ANKHD1: variants seen among roughly 807,000 people sequenced by gnomAD.
ANKHD1 encodes the protein ankyrin repeat and KH domain-containing protein 1.
In ANKHD1, 31 loss-of-function variants were observed where a neutral mutation model predicts 230.5. The observed-to-expected ratio is 0.13, with a 90% CI of 0.10 to 0.18. ANKHD1 has a LOEUF of 0.18. ANKHD1 is among the 10% of genes least tolerant of loss of function. The pLI, the probability that ANKHD1 is intolerant of heterozygous loss-of-function variation, is 1.00. For missense variants in ANKHD1, 2,256 were observed against 3,071.3 expected, an observed-to-expected ratio of 0.73 and a Z score of 6.27; for synonymous variants, 1,074 against 1,117.6, an observed-to-expected ratio of 0.96 and a Z score of 0.78.
intron 14 of ANKHD1, among the ~76,000 whole-genome samples, chr5:140,492,198 C>A (rs1751839739): frequency 1.3e-5 from 2 of 152,032 alleles, no homozygotes; most frequent in African/African-American, 4.8e-5. Flanking sequence ...TGATAATATT[C>A]TTTAGTCACT....
chr5:140,510,592 C>T (rs938908824), intron 22 of ANKHD1, among the ~76,000 whole-genome samples: 13 of 151,350 alleles, frequency 8.6e-5, no homozygotes, highest in Non-Finnish European at 8.9e-5. Flanking sequence ...ATTACAGGCT[C>T]CCGACCTTAT....
In ANKHD1 at chr5:140,485,092, C is replaced by T. The variant is rs369378386; in HGVS notation, c.1871-29C>T. 1.3e-6 allele frequency: 2 copies of T among 1,587,132 alleles called. No individual in the cohort carries two copies. Among genetic ancestry groups the T allele is most frequent in the South Asian group, 2.2e-5 (2 of 89,688 alleles). ...TGAACTAGCTTGATGTCAACCTTTGCTAAGATTGCGATTTATTTTTCTTCA... is the reference window on the plus strand; with the variant it reads ...TGAACTAGCTTGATGTCAACCTTTGTTAAGATTGCGATTTATTTTTCTTCA... On this transcript the variant is annotated intron_variant, in intron 11 of 33. Coordinates refer to ENST00000360839, the MANE Select transcript of ANKHD1 (RefSeq NM_017747.3). This position sits in a 1 kb window ranked among gnomAD's most constrained non-coding sequence, Gnocchi z 4.8.
chr5:140,445,701 A>T, intron 5 of ANKHD1, 41 bp from the exon 6 acceptor site: 1 of 1,421,366 alleles, frequency 7.0e-7, no homozygotes, highest in Non-Finnish European at 9.3e-7. Flanking sequence ...TTTTAAATAT[A>T]TATTCTGCTC....
intron 29 of ANKHD1, 67 bp downstream of exon 29, chr5:140,529,863 C>CA (rs1479765800): frequency 1.9e-6 from 3 of 1,545,566 alleles, no homozygotes; most frequent in African/African-American, 1.4e-5. Context: ...CTTAAGTGGA[C>CA]AAAAAAAGTA....
Position 140,539,128 on chromosome 5 carries a change from CATT to C in ANKHD1, c.7569+46_7569+48del, listed in dbSNP as rs755563976. 4 of 1,559,452 alleles carry C rather than the reference CATT, an allele frequency of 2.6e-6. No homozygotes were observed. The South Asian group carries it at 3.6e-5, about 14-fold the overall frequency. Reference sequence around the variant, plus strand: ...CTTTTGTTTTTTAGATTTGTCACATCATTCTTTTTGTTTTGTGAGAAGTATAAG... The same window carrying C: ...CTTTTGTTTTTTAGATTTGTCACATCCTTTTTGTTTTGTGAGAAGTATAAG... On this transcript the variant is annotated intron_variant, in intron 33 of 33. Coordinates refer to ENST00000360839, the MANE Select transcript of ANKHD1 (RefSeq NM_017747.3).
chr5:140,444,858 T>C (rs1037787939), intron 5 of ANKHD1, among the ~76,000 whole-genome samples: 1 of 152,216 alleles, frequency 6.6e-6, no homozygotes, highest in Non-Finnish European at 1.5e-5. Context: ...TCTGTCTCTA[T>C]AGATTTGCTT....
chr5:140,429,184 C>G (rs1772819079), intron 1 of ANKHD1, among the ~76,000 whole-genome samples: 1 of 151,242 alleles, frequency 6.6e-6, no homozygotes, highest in Non-Finnish European at 1.5e-5. Flanking sequence ...ACCTCCACCT[C>G]CCAGGTTCAA....
At chr5:140,467,107 A>G (rs149725442) in intron 10 of ANKHD1, among the ~76,000 whole-genome samples, 47 of 152,128 alleles carry the variant, frequency 3.1e-4, no homozygotes, top group African/African-American at 9.9e-4. Flanking sequence ...TTTTTTCACT[A>G]TGTGTTCTTG....
chr5:140,462,852 T>C (rs1775812719), intron 9 of ANKHD1, among the ~76,000 whole-genome samples: 1 of 152,048 alleles, frequency 6.6e-6, no homozygotes, highest in Non-Finnish European at 1.5e-5. Flanking sequence ...TTTTTTTGTT[T>C]GGTTTTGTTT....
At chr5:140,514,137 A>G (rs1752880926) in intron 24 of ANKHD1, among the ~76,000 whole-genome samples, 1 of 151,582 alleles carries the variant, frequency 6.6e-6, no homozygotes, top group Non-Finnish European at 1.5e-5. Context: ...GTGAGCCATA[A>G]TTACACACTG....
chr5:140,538,295 C>T (rs761919598), intron 32 of ANKHD1, 34 bp downstream of exon 32: 6 of 1,607,032 alleles, frequency 3.7e-6, no homozygotes, highest in African/African-American at 2.7e-5. Flanking sequence ...ACTTGATTGA[C>T]ACTTTGTCAG....
intron 7 of ANKHD1, among the ~76,000 whole-genome samples, chr5:140,455,410 A>G (rs1775096740): frequency 6.6e-6 from 1 of 151,862 alleles, no homozygotes; most frequent in African/African-American, 2.4e-5. Flanking sequence ...AGACACAACA[A>G]AAAAAGAGAA....
intron 10 of ANKHD1, among the ~76,000 whole-genome samples, chr5:140,479,823 G>T (rs976480478): frequency 6.0e-5 from 9 of 149,730 alleles, no homozygotes; most frequent in African/African-American, 2.0e-4. Flanking sequence ...ATATATGTGT[G>T]TAATGTATAT....
At chr5:140,446,836 A>G (rs907641689) in intron 6 of ANKHD1, among the ~76,000 whole-genome samples, 3 of 152,170 alleles carry the variant, frequency 2.0e-5, no homozygotes, top group Non-Finnish European at 2.9e-5. Flanking sequence ...TTTATAATCT[A>G]CTTATTTTAC....
chr5:140,519,931 A>G (rs898530096), intron 24 of ANKHD1, among the ~76,000 whole-genome samples: 4 of 152,068 alleles, frequency 2.6e-5, no homozygotes, highest in African/African-American at 9.7e-5. Context: ...GACAAATGGG[A>G]TCTAATTAAA....
intron 30 of ANKHD1, chr5:140,535,993 A>T (rs2127100455): frequency 6.6e-6 from 1 of 151,968 alleles, no homozygotes; most frequent in Middle Eastern, 3.4e-3. Context: ...AAGAAGTTGA[A>T]TTTTTGTATA....
chr5:140,459,445 G>T, intron 9 of ANKHD1, 90 bp downstream of exon 9: 1 of 1,398,682 alleles, frequency 7.1e-7, no homozygotes, highest in Non-Finnish European at 9.4e-7. Flanking sequence ...GCTCCTAGTA[G>T]ATAATAGAAT....
Position 140,528,992 on chromosome 5 carries a change from C to A in ANKHD1, c.6046C>A (p.Gln2016Lys), listed in dbSNP as rs1753710438. ...TACTTCTCAAGCACAGCTTTCTTCACAAAAGATGGAGTCTTTCTCTGCTGT... is the reference window on the plus strand; with the variant it reads ...TACTTCTCAAGCACAGCTTTCTTCAAAAAAGATGGAGTCTTTCTCTGCTGT... ...ASTSQAQLSS[Q>K]KMESFSAVPP... is the part of the protein sequence containing the mutation. Residue 2016 changes from glutamine (Q) to lysine (K), a missense_variant, in exon 29 of 34, where the codon CAA (glutamine) becomes AAA (lysine). Around this residue, in one of 13 missense-constraint regions of ANKHD1, gnomAD observed 778 missense variants for 966.5 expected, o/e 0.80. Transcript: ENST00000360839. 6.2e-7 allele frequency: 1 copy of A among 1,614,046 alleles called. No homozygotes were observed. Among genetic ancestry groups the A allele is most frequent in the Non-Finnish European group, 8.5e-7 (1 of 1,180,048 alleles).
chr5:140,449,378 A>G, intron 7 of ANKHD1, 73 bp downstream of exon 7: 2 of 1,515,486 alleles, frequency 1.3e-6, no homozygotes, highest in Non-Finnish European at 1.8e-6. Context: ...TTTAAGAGTG[A>G]TTAATTGCCA....
Sources: allele counts gnomAD v4.1 joint callset (sites outside exome capture counted in the v4.1 genomes callset), GRCh38; gene constraint gnomAD v4.1.1; regional missense constraint gnomAD v4.1.1; non-coding constraint Gnocchi (gnomAD v3.1); transcripts MANE v1.5; gene names NCBI Gene and HGNC (gene_info 2026-07-23, HGNC 2026-07-21).